GDPD5: variants seen among roughly 807,000 people sequenced by gnomAD.
The protein encoded by GDPD5 is glycerophosphodiester phosphodiesterase domain containing 5.
GDPD5 carries 48 observed loss-of-function variants against 75.1 expected under a neutral mutation model. The observed-to-expected ratio is 0.64, with a 90% confidence interval of 0.51 to 0.81. The LOEUF is 0.81. GDPD5 is among the 40% of genes least tolerant of loss of function. The pLI, the probability that GDPD5 is intolerant of heterozygous loss-of-function variation, is 0.00. For synonymous variants in GDPD5, 336 were observed against 339.0 expected, an observed-to-expected ratio of 0.99 and a Z score of 0.10; for missense variants, 706 against 822.6, an observed-to-expected ratio of 0.86 and a Z score of 1.73.
At chr11:75,468,569 C>T (rs1165836021) in intron 3 of GDPD5, among the ~76,000 whole-genome samples, 1 of 152,224 alleles carries the variant, frequency 6.6e-6, no homozygotes, top group Non-Finnish European at 1.5e-5. Flanking sequence ...GCTTCCTGCT[C>T]TGTAAAATGG....
intron 3 of GDPD5, among the ~76,000 whole-genome samples, chr11:75,468,515 G>A (rs1047492107): frequency 1.3e-5 from 2 of 152,240 alleles, no homozygotes; most frequent in Admixed American, 6.5e-5. Flanking sequence ...GACTGGCCAC[G>A]ACTGAGTGAC....
intron 2 of GDPD5, among the ~76,000 whole-genome samples, chr11:75,488,535 A>G (rs574229424): frequency 6.6e-6 from 1 of 151,804 alleles, no homozygotes; most frequent in South Asian, 2.1e-4. Context: ...GTCCTCTCCT[A>G]CCCCTCCTTG....
chr11:75,451,687 C>T (rs1235771516), intron 6 of GDPD5: 2 of 152,240 alleles, frequency 1.3e-5, no homozygotes, highest in Admixed American at 1.3e-4. Context: ...GCCCTGCACA[C>T]AGTGAGTTAA....
chr11:75,467,230 C>T (rs1189698508), intron 3 of GDPD5, among the ~76,000 whole-genome samples: 2 of 152,214 alleles, frequency 1.3e-5, no homozygotes, highest in African/African-American at 2.4e-5. Context: ...CTCTGAGCCT[C>T]GGTCTCCTCG....
chr11:75,474,988 T>C (rs1473046115), intron 3 of GDPD5, among the ~76,000 whole-genome samples: 1 of 152,244 alleles, frequency 6.6e-6, no homozygotes, highest in Non-Finnish European at 1.5e-5. Context: ...ATCATCAGCC[T>C]GTGTGACTGA....
At chr11:75,457,003 G>C (rs1352068525) in intron 5 of GDPD5, among the ~76,000 whole-genome samples, 187 bp from the exon 6 acceptor site, 1 of 152,244 alleles carries the variant, frequency 6.6e-6, no homozygotes, top group African/African-American at 2.4e-5. Context: ...CCTGAGCCTG[G>C]CCTCCTCCCA....
chr11:75,485,398 A>G (rs976565121), intron 2 of GDPD5: 1 of 152,232 alleles, frequency 6.6e-6, no homozygotes, highest in African/African-American at 2.4e-5. Context: ...GATGTAAAGA[A>G]TAAGCCAGAC....
chr11:75,439,548 C>T (rs1294852616), intron 15 of GDPD5, among the ~76,000 whole-genome samples: 1 of 151,846 alleles, frequency 6.6e-6, no homozygotes, highest in Non-Finnish European at 1.5e-5. Context: ...CCACTGCGAG[C>T]ACACCCCAGC....
At chr11:75,462,947 C>T in intron 3 of GDPD5, 58 bp from the exon 4 acceptor site, 2 of 1,396,996 alleles carry the variant, frequency 1.4e-6, no homozygotes, top group Middle Eastern at 2.3e-4. Flanking sequence ...CTTAGGCTGC[C>T]TCCCACCAGA....
intron 2 of GDPD5, among the ~76,000 whole-genome samples, chr11:75,478,935 G>T (rs1291969075): frequency 5.3e-5 from 8 of 152,216 alleles, no homozygotes; most frequent in Non-Finnish European, 1.2e-4. Context: ...TCTAGGAACT[G>T]CTCTAGTGCC....
chr11:75,489,888 G>T (rs2135414608), intron 2 of GDPD5, among the ~76,000 whole-genome samples: 1 of 152,200 alleles, frequency 6.6e-6, no homozygotes, highest in Non-Finnish European at 1.5e-5. Flanking sequence ...ACAGGTGCAT[G>T]CCACCATGCC....
At chr11:75,522,048 C>G (rs1941479940) in intron 1 of GDPD5, among the ~76,000 whole-genome samples, 1 of 152,126 alleles carries the variant, frequency 6.6e-6, no homozygotes, top group African/African-American at 2.4e-5. Flanking sequence ...TCACCCCTCA[C>G]TAACCCCACC....
rs1443116016 is a variant in GDPD5, at chr11:75,499,393, CCTTTTTTTT to C, written c.-144-9082_-144-9074del. ...AACTTTCCTTCTTTCTTCTTCTTTTCCTTTTTTTTTTTTTTTTTTTTTTTAACTGGAAGG... is the reference window on the plus strand; with the variant it reads ...AACTTTCCTTCTTTCTTCTTCTTTTCTTTTTTTTTTTTTTTAACTGGAAGG... On this transcript the variant is annotated intron_variant, in intron 1 of 16. Coordinates refer to ENST00000336898, the MANE Select transcript of GDPD5 (RefSeq NM_030792.8). Among the ~76,000 whole-genome samples, 35 of 140,194 alleles carry C rather than the reference CCTTTTTTTT, an allele frequency of 2.5e-4. No homozygotes were observed. The South Asian group carries it at 4.1e-3, about 16-fold the overall frequency. 92.0% of individuals were successfully genotyped at this position (140,194 alleles called of 152,430 possible).
intron 13 of GDPD5, among the ~76,000 whole-genome samples, 153 bp from the exon 14 acceptor site, chr11:75,441,463 G>A (rs773984780): frequency 3.7e-4 from 56 of 152,226 alleles, no homozygotes; most frequent in Non-Finnish European, 3.5e-4. Flanking sequence ...GGACAAGCCC[G>A]GGTCTGCCCG....
intron 3 of GDPD5, among the ~76,000 whole-genome samples, chr11:75,466,196 A>G (rs1190364370): frequency 6.6e-6 from 1 of 152,154 alleles, no homozygotes; most frequent in East Asian, 1.9e-4. Flanking sequence ...CTAGTGCATG[A>G]GCTGGGGTTG....
chr11:75,477,461 A>C (rs1461670359), intron 3 of GDPD5, among the ~76,000 whole-genome samples, 158 bp downstream of exon 3: 1 of 152,222 alleles, frequency 6.6e-6, no homozygotes, highest in Non-Finnish European at 1.5e-5. Flanking sequence ...TTCAGGAATT[A>C]CTATAAGCCC....
intron 6 of GDPD5, 90 bp from the exon 7 acceptor site, chr11:75,450,073 G>A (rs1470854804): frequency 6.0e-6 from 6 of 1,002,348 alleles, no homozygotes; most frequent in Admixed American, 2.0e-5. Context: ...GAGAGACAGA[G>A]AGGGCAGGAG....
At chr11:75,442,908 C>T in intron 11 of GDPD5, 1 of 621,076 alleles carries the variant, frequency 1.6e-6, no homozygotes, top group Non-Finnish European at 2.9e-6. Context: ...CTGCTCTCAT[C>T]CCTGTCAACC....
intron 1 of GDPD5, among the ~76,000 whole-genome samples, chr11:75,523,926 G>A (rs1941564241): frequency 6.6e-6 from 1 of 152,190 alleles, no homozygotes; most frequent in Non-Finnish European, 1.5e-5. Flanking sequence ...CAGGGAGTTG[G>A]GCATCTCTAG....
Sources: allele counts gnomAD v4.1 joint callset (sites outside exome capture counted in the v4.1 genomes callset), GRCh38; gene constraint gnomAD v4.1.1; transcripts MANE v1.5; gene names NCBI Gene and HGNC (gene_info 2026-07-23, HGNC 2026-07-21).